LHFPL3: variants seen among roughly 807,000 people sequenced by gnomAD.
LHFPL3 encodes the protein LHFPL tetraspan subfamily member 3, also known as LHFPL tetraspan subfamily member 3 protein.
Under a neutral mutation model 19.3 loss-of-function variants are expected in LHFPL3, and 5 were observed. That is an observed-to-expected ratio of 0.26 (90% confidence interval 0.14 to 0.54). The LOEUF (loss-of-function observed/expected upper bound fraction) is 0.54. LHFPL3 is among the 20% of genes least tolerant of loss of function. LHFPL3 has a pLI of 0.94. For missense variants in LHFPL3, 249 were observed against 307.4 expected (o/e 0.81, Z 1.42); for synonymous variants, 133 against 126.2 (o/e 1.05, Z -0.36).
intron 1 of LHFPL3, among the ~76,000 whole-genome samples, chr7:104,586,250 G>A (rs967871768): frequency 6.6e-6 from 1 of 152,034 alleles, no homozygotes; most frequent in Non-Finnish European, 1.5e-5. Flanking sequence ...AGAAAGAGGA[G>A]TTAAGGATGG....
intron 1 of LHFPL3, among the ~76,000 whole-genome samples, chr7:104,639,030 G>A (rs1025661748): frequency 6.6e-5 from 10 of 151,906 alleles, no homozygotes; most frequent in Non-Finnish European, 1.5e-4. Flanking sequence ...CTCCCAAAGT[G>A]CTGGGATTAC....
intron 2 of LHFPL3, among the ~76,000 whole-genome samples, chr7:104,772,440 C>G (rs57968847): frequency 0.18 from 26,637 of 152,068 alleles, 2,725 homozygotes; most frequent in East Asian, 0.45. Flanking sequence ...GCAGCCCCTA[C>G]GGTGTGCTCA....
At chr7:104,603,072 TTC>T (rs769219046) in intron 1 of LHFPL3, among the ~76,000 whole-genome samples, 1 of 51,278 alleles carries the variant, frequency 2.0e-5, no homozygotes, top group Non-Finnish European at 4.5e-5. Context: ...TTCTTTTTCT[TTC>T]TTTCTTTCTT....
intron 1 of LHFPL3, among the ~76,000 whole-genome samples, chr7:104,337,157 A>G (rs1462328274): frequency 6.6e-6 from 1 of 152,118 alleles, no homozygotes; most frequent in African/African-American, 2.4e-5. Context: ...ATTATAATTG[A>G]CAGAAGGCTC....
In LHFPL3 at chr7:104,541,103, G is replaced by GACACACACACACAC. The variant is rs58831498; in HGVS notation, c.446-195540_446-195527dup. Reference sequence around the variant, plus strand: ...TTTTCCATATACACATCCTCCCCATGACACACACACACACACACACACACA... The same window carrying GACACACACACACAC: ...TTTTCCATATACACATCCTCCCCATGACACACACACACACACACACACACACACACACACACACA... On this transcript the variant is annotated intron_variant, in intron 1 of 2. Coordinates refer to ENST00000424859, the MANE Select transcript of LHFPL3 (RefSeq NM_199000.3). 3.3e-3 allele frequency among the ~76,000 whole-genome samples: 450 copies of GACACACACACACAC among 134,606 alleles called. 2 individuals are homozygous for GACACACACACACAC. Among genetic ancestry groups the GACACACACACACAC allele is most frequent in the Non-Finnish European group, 4.1e-3 (260 of 62,898 alleles). The allele number at this position is 134,606 out of a possible 152,430, so 88.3% of individuals were successfully genotyped here.
chr7:104,540,142 T>C lies in LHFPL3; in HGVS notation c.446-196533T>C, dbSNP rs368897954. On this transcript the variant is annotated intron_variant, in intron 1 of 2. Coordinates refer to ENST00000424859, the MANE Select transcript of LHFPL3 (RefSeq NM_199000.3). ...GTATTTGAAAATTCATTCAGTGATG[T>C]GCTATAGGCATTGTGCAAGATACAG... 2.6e-5 allele frequency among the ~76,000 whole-genome samples: 4 copies of C among 152,276 alleles called. No individual in the cohort carries two copies. The East Asian group carries it at 5.8e-4, about 22-fold the overall frequency.
At chr7:104,607,997 A>G (rs1300580546) in intron 1 of LHFPL3, among the ~76,000 whole-genome samples, 3 of 152,234 alleles carry the variant, frequency 2.0e-5, no homozygotes, top group Non-Finnish European at 4.4e-5. Context: ...TCAGGAAACA[A>G]CAGGTGCTGA....
chr7:104,670,124 C>A (rs182263338), intron 1 of LHFPL3, among the ~76,000 whole-genome samples: 5,632 of 150,688 alleles, frequency 0.037, 127 homozygotes, highest in African/African-American at 0.046. Flanking sequence ...TGGGGGACAG[C>A]CTAGAGGGAA....
intron 1 of LHFPL3, among the ~76,000 whole-genome samples, chr7:104,522,581 A>G (rs1794092338): frequency 6.6e-6 from 1 of 152,156 alleles, no homozygotes; most frequent in African/African-American, 2.4e-5. Flanking sequence ...TAGTATGTAC[A>G]AAGTGTAAGG....
chr7:104,788,836 A>ACT (rs910737056), intron 2 of LHFPL3, among the ~76,000 whole-genome samples: 2 of 151,818 alleles, frequency 1.3e-5, no homozygotes, highest in Admixed American at 6.6e-5. Context: ...TCCCTCTCTC[A>ACT]CTCCTCAACA....
intron 1 of LHFPL3, among the ~76,000 whole-genome samples, chr7:104,428,096 A>C (rs150746491): frequency 0.014 from 2,119 of 152,282 alleles, 24 homozygotes; most frequent in Non-Finnish European, 0.023. Context: ...TTAGTTTTTA[A>C]ATGGTAATTC....
At position 104,609,271 on chromosome 7, in the gene LHFPL3, A is replaced by C. The variant is rs1428876292; in HGVS notation, c.446-127404A>C. Among the ~76,000 whole-genome samples, 8 of 152,252 alleles carry C rather than the reference A, an allele frequency of 5.3e-5. No homozygotes were observed. In the East Asian group the frequency reaches 1.4e-3, roughly 26 times the overall value. ...CAGAGCAAGATGCTGTCAAAAAAAA[A>C]AGAAAAGAAAAAAAAAGTTAGCCAC... On this transcript the variant is annotated intron_variant, in intron 1 of 2. Coordinates refer to ENST00000424859, the MANE Select transcript of LHFPL3 (RefSeq NM_199000.3).
At chr7:104,737,036 G>C (rs532548394) in intron 2 of LHFPL3, 125 bp downstream of exon 2, 5 of 688,504 alleles carry the variant, frequency 7.3e-6, no homozygotes, top group South Asian at 5.7e-5. Flanking sequence ...TTTTAATACC[G>C]TGTAGCTTGC....
chr7:104,818,221 T>C (rs1410393311), intron 2 of LHFPL3, among the ~76,000 whole-genome samples: 1 of 152,176 alleles, frequency 6.6e-6, no homozygotes, highest in Non-Finnish European at 1.5e-5. Context: ...TTTTATTTTC[T>C]ATCAGTTTCA....
intron 1 of LHFPL3, among the ~76,000 whole-genome samples, chr7:104,533,955 C>T (rs1007331565): frequency 3.3e-5 from 5 of 152,314 alleles, no homozygotes; most frequent in South Asian, 2.1e-4. Flanking sequence ...CAAACCCCTA[C>T]GTTCCAGACT....
At chr7:104,645,577 A>G (rs1401892597) in intron 1 of LHFPL3, among the ~76,000 whole-genome samples, 1 of 151,812 alleles carries the variant, frequency 6.6e-6, no homozygotes, top group African/African-American at 2.4e-5. Context: ...AATGCAGCAA[A>G]ATGTACCAAA....
chr7:104,857,683 T>C (rs6466028), intron 2 of LHFPL3, among the ~76,000 whole-genome samples: 32,878 of 117,770 alleles, frequency 0.28, 3,830 homozygotes, highest in South Asian at 0.5. Context: ...CTGGGGGCAG[T>C]AGATTTGAAA....
chr7:104,733,296 G>A (rs1023415404), intron 1 of LHFPL3, among the ~76,000 whole-genome samples: 10 of 151,864 alleles, frequency 6.6e-5, no homozygotes, highest in South Asian at 2.1e-4. Context: ...TTTCTGTCTC[G>A]TTTCTGTCTA....
intron 2 of LHFPL3, among the ~76,000 whole-genome samples, chr7:104,797,234 A>G (rs1003894045): frequency 6.6e-6 from 1 of 152,202 alleles, no homozygotes; most frequent in African/African-American, 2.4e-5. Context: ...TGTGATCATC[A>G]CTAATGCTGT....
Sources: allele counts gnomAD v4.1 joint callset (sites outside exome capture counted in the v4.1 genomes callset), GRCh38; gene constraint gnomAD v4.1.1; transcripts MANE v1.5; gene names NCBI Gene and HGNC (gene_info 2026-07-23, HGNC 2026-07-21).